Variants in USP26 observed in about 807,000 individuals in gnomAD.
USP26 encodes the protein ubiquitin carboxyl-terminal hydrolase 26.
For synonymous variants in USP26, 236 were observed against 240.6 expected, an observed-to-expected ratio of 0.98 and a Z score of 0.18; for missense variants, 649 against 642.3, an observed-to-expected ratio of 1.01 and a Z score of -0.11.
At chrX:133,090,513 T>G (rs1240196143) in intron 3 of USP26, among the ~76,000 whole-genome samples, 1 of 112,624 alleles carries the variant, frequency 8.9e-6, no homozygotes, top group Non-Finnish European at 1.9e-5. Context: ...AGGTTTGGTA[T>G]TCCCATGTAC....
intron 1 of USP26, among the ~76,000 whole-genome samples, chrX:133,093,437 G>T (rs1439394713): frequency 9.0e-6 from 1 of 111,230 alleles, no homozygotes; most frequent in Admixed American, 9.6e-5. Context: ...GAAGAAAAAA[G>T]TTCTTGCCCC....
At chrX:133,037,861 G>C (rs1324153941) in intron 5 of USP26, among the ~76,000 whole-genome samples, 1 of 111,257 alleles carries the variant, frequency 9.0e-6, no homozygotes, top group Non-Finnish European at 1.9e-5. Flanking sequence ...ACAGTGGTTT[G>C]TAGTTCTCCT....
chrX:133,027,066 C>T lies in USP26; in HGVS notation c.1155G>A (p.Glu385=), dbSNP rs756172381. Residue 385 remains glutamate (E), a synonymous_variant, in exon 6 of 6, where the codon GAG becomes GAA. Transcript: ENST00000511190. ...GTTGATCTAAACAGTGAGCTAAAAA[C>T]TCATGAGCATCGTTCTGTGCATTGC... ...FHGNAQNDAH[E]FLAHCLDQLK... The T allele has an allele frequency of 8.3e-7, 1 of 1,211,606 alleles. No homozygotes were observed.
At chrX:133,087,863 A>G (rs1192927766) in intron 4 of USP26, among the ~76,000 whole-genome samples, 1 of 111,606 alleles carries the variant, frequency 9.0e-6, no homozygotes, top group Non-Finnish European at 1.9e-5. Flanking sequence ...TCACACCAAG[A>G]ATTTATAGAA....
chrX:133,082,525 G>C (rs2067573872), intron 5 of USP26, among the ~76,000 whole-genome samples: 1 of 112,403 alleles, frequency 8.9e-6, no homozygotes, highest in African/African-American at 3.2e-5. Flanking sequence ...ATGGAGGAAT[G>C]ATGGTAGGTT....
intron 4 of USP26, among the ~76,000 whole-genome samples, chrX:133,088,587 G>A (rs1048121101): frequency 9.0e-6 from 1 of 111,537 alleles, no homozygotes; most frequent in Non-Finnish European, 1.9e-5. Flanking sequence ...GCAAAGGACT[G>A]GACCTCTTAG....
chrX:133,054,079 G>A (rs936831867), intron 5 of USP26, among the ~76,000 whole-genome samples: 2 of 111,538 alleles, frequency 1.8e-5, no homozygotes, highest in Non-Finnish European at 3.8e-5. Flanking sequence ...TCCTGGATAA[G>A]CTCTAAGAAT....
chrX:133,068,486 G>A (rs754750556), intron 5 of USP26, among the ~76,000 whole-genome samples: 3 of 112,487 alleles, frequency 2.7e-5, no homozygotes, highest in Non-Finnish European at 5.6e-5. Flanking sequence ...AAAATAAGCG[G>A]TGCTTTCTAG....
intron 5 of USP26, among the ~76,000 whole-genome samples, chrX:133,036,830 G>A (rs924125758): frequency 5.3e-5 from 6 of 112,168 alleles, no homozygotes; most frequent in Admixed American, 9.4e-5. Flanking sequence ...CTGCATCCTT[G>A]ACAGCATCTG....
At chrX:133,070,841 G>A (rs766167036) in intron 5 of USP26, among the ~76,000 whole-genome samples, 43 of 111,581 alleles carry the variant, frequency 3.9e-4, no homozygotes, top group Non-Finnish European at 7.2e-4. Flanking sequence ...CTACTTGTTA[G>A]GAGAAAATCT....
intron 5 of USP26, among the ~76,000 whole-genome samples, chrX:133,079,915 C>T (rs1022782353): frequency 8.9e-6 from 1 of 111,749 alleles, no homozygotes; most frequent in South Asian, 3.8e-4. Flanking sequence ...ACAAGACTTA[C>T]TAGATGATTT....
chrX:133,027,044 G>T lies in USP26; in HGVS notation c.1177C>A (p.Gln393Lys), dbSNP rs995211991. The change falls in exon 6 of 6, where the codon CAA becomes AAA. Residue 393 changes from glutamine to lysine, a missense_variant. Transcript: ENST00000511190. ...AHEFLAHCLD[Q>K]LKDNMEKLNT... ...AGTTTTTCCATGTTATCTTTCAGTTGATCTAAACAGTGAGCTAAAAACTCA... is the reference window on the plus strand; with the variant it reads ...AGTTTTTCCATGTTATCTTTCAGTTTATCTAAACAGTGAGCTAAAAACTCA... 1 of 1,209,662 alleles carries T rather than the reference G, an allele frequency of 8.3e-7. No homozygotes were observed. The highest frequency in any genetic ancestry group is 1.7e-5 in the African/African-American group (1 of 57,151).
Position 133,023,277 on chromosome X carries a change from C to G in USP26, c.*2202G>C, listed in dbSNP as rs762580344. On this transcript the variant is annotated 3_prime_UTR_variant, in exon 6 of 6. Coordinates refer to ENST00000511190, the MANE Select transcript of USP26 (RefSeq NM_031907.3). ...AACAATGGATTGCAGCCATGATCCT[C>G]CCTGTCATGGATACCCCTACCATCT... Among the ~76,000 whole-genome samples, 1 of 111,842 alleles carries G rather than the reference C, an allele frequency of 8.9e-6. No individual in the cohort carries two copies. The highest frequency in any genetic ancestry group is 3.8e-4 in the South Asian group (1 of 2,631).
intron 5 of USP26, among the ~76,000 whole-genome samples, chrX:133,065,020 C>T (rs949873875): frequency 2.2e-4 from 24 of 111,279 alleles, no homozygotes; most frequent in Non-Finnish European, 2.8e-4. Flanking sequence ...ATCAAATAGA[C>T]ACAATAAAAA....
At chrX:133,061,078 C>T (rs2067492721) in intron 5 of USP26, among the ~76,000 whole-genome samples, 1 of 111,112 alleles carries the variant, frequency 9.0e-6, no homozygotes, top group Non-Finnish European at 1.9e-5. Context: ...GAACCAATCC[C>T]CCAGAGATAC....
intron 5 of USP26, among the ~76,000 whole-genome samples, chrX:133,073,062 T>G (rs1265094635): frequency 9.0e-6 from 1 of 111,525 alleles, no homozygotes; most frequent in Admixed American, 9.6e-5. Flanking sequence ...GAAATTGCAA[T>G]AAACGGGGGT....
chrX:133,093,847 G>T lies in USP26; in HGVS notation c.-392-2404C>A, dbSNP rs182115913. Among the ~76,000 whole-genome samples the T allele has an allele frequency of 4.7e-4, 50 of 106,692 alleles. No individual in the cohort carries two copies. In the East Asian group the frequency reaches 0.011, roughly 23 times the overall value. 92.6% of individuals were successfully genotyped at this position (106,692 alleles called of 115,157 possible). A position where few individuals can be genotyped will look rare whatever the true frequency, so the allele number is the denominator to read the frequency against. ...AATACAAAAATTAGCCAGGTGGGTT[G>T]GCATATGCCTTCAGTCCCAGCTACT... On this transcript the variant is annotated intron_variant, in intron 1 of 5. Transcript: ENST00000511190.
chrX:133,092,383 C>T (rs1163442532), intron 1 of USP26, among the ~76,000 whole-genome samples: 6 of 111,758 alleles, frequency 5.4e-5, no homozygotes, highest in African/African-American at 2.0e-4. Flanking sequence ...GAGTTGTTCA[C>T]CAGCTTATAC....
intron 5 of USP26, among the ~76,000 whole-genome samples, chrX:133,039,449 T>C (rs1201246019): frequency 8.9e-6 from 1 of 112,257 alleles, no homozygotes; most frequent in African/African-American, 3.2e-5. Flanking sequence ...AGCAGGTTGT[T>C]CTGTTTCCAT....
Sources: gnomAD v4.1 joint callset for allele counts (sites outside exome capture counted in the v4.1 genomes callset) on GRCh38, gnomAD v4.1.1 for gene constraint, MANE v1.5 for transcripts, NCBI Gene and HGNC (gene_info 2026-07-23, HGNC 2026-07-21) for gene names.